PARVB: variants seen among roughly 807,000 people sequenced by gnomAD.
The protein encoded by PARVB is beta-parvin.
Under a neutral mutation model 47.0 loss-of-function variants are expected in PARVB, and 46 were observed. That is an observed-to-expected ratio of 0.98 (90% CI 0.77 to 1.25). PARVB has a LOEUF of 1.25. Among genes scored for constraint, PARVB ranks in the 50% most tolerant of loss-of-function variants. The pLI is 0.00. For synonymous variants in PARVB, 196 were observed against 196.3 expected (o/e 1.00, Z 0.01); for missense variants, 473 against 471.6 (o/e 1.00, Z -0.03).
At chr22:44,039,846 A>T (rs538879100) in intron 1 of PARVB, 1 of 455,532 alleles carries the variant, frequency 2.2e-6, no homozygotes, top group African/African-American at 2.0e-5. Context: ...ATGAGATCTC[A>T]CTCTGATGCC....
At chr22:44,086,901 C>G in intron 1 of PARVB, 3 of 893,830 alleles carry the variant, frequency 3.4e-6, no homozygotes, top group Non-Finnish European at 4.0e-6. Context: ...ACAGAGATGT[C>G]TTTGGGTTCC....
At chr22:44,029,391 C>T (rs965579708) in intron 1 of PARVB, among the ~76,000 whole-genome samples, 3 of 152,220 alleles carry the variant, frequency 2.0e-5, no homozygotes, top group Middle Eastern at 3.2e-3. Flanking sequence ...TTTCTCCCAG[C>T]CAGCGGCTTG....
intron 1 of PARVB, among the ~76,000 whole-genome samples, chr22:44,036,595 T>C (rs1229137789): frequency 1.3e-5 from 2 of 152,200 alleles, no homozygotes; most frequent in African/African-American, 4.8e-5. Flanking sequence ...TGGACTCATA[T>C]AATTCAAACC....
chr22:44,061,484 A>C (rs964179124), intron 1 of PARVB, among the ~76,000 whole-genome samples: 4 of 151,932 alleles, frequency 2.6e-5, no homozygotes, highest in African/African-American at 9.7e-5. Context: ...TGAAGTCACC[A>C]ACAAATAGCA....
intron 1 of PARVB, among the ~76,000 whole-genome samples, chr22:44,067,758 G>T (rs1447938226): frequency 2.6e-5 from 4 of 152,238 alleles, no homozygotes; most frequent in African/African-American, 9.7e-5. Context: ...GACCACATCA[G>T]TGCTGGGGAC....
intron 9 of PARVB, 68 bp downstream of exon 9, chr22:44,147,990 C>T: frequency 8.4e-7 from 1 of 1,184,918 alleles, no homozygotes; most frequent in Non-Finnish European, 1.3e-6. Flanking sequence ...CACAAACGCC[C>T]CGCTGGGAAG....
rs567494229 is a variant in PARVB at position 44,018,401 on chromosome 22, TCAAA to T, written c.211+18741_211+18744del. Among the ~76,000 whole-genome samples, 105 of 152,208 alleles carry T rather than the reference TCAAA, an allele frequency of 6.9e-4. 1 individual carries two copies. Among genetic ancestry groups the T allele is most frequent in the Admixed American group, 4.1e-3 (62 of 15,292 alleles). On this transcript the variant is annotated intron_variant, in intron 2 of 13. Transcript: ENST00000406477. ...TGGGCGACAAGAATGAAACTCCATC[TCAAA>T]CAAACAAACAAAAAACTAACCACAT... is the stretch of plus-strand genomic sequence containing the variant.
intron 1 of PARVB, among the ~76,000 whole-genome samples, chr22:44,058,083 A>G (rs1344752937): frequency 6.6e-6 from 1 of 152,176 alleles, no homozygotes; most frequent in Non-Finnish European, 1.5e-5. Context: ...CTTGAAAATA[A>G]TAAATTGAGA....
chr22:44,007,413 T>G (rs1240281649), intron 2 of PARVB, among the ~76,000 whole-genome samples: 1 of 152,174 alleles, frequency 6.6e-6, no homozygotes, highest in Non-Finnish European at 1.5e-5. Flanking sequence ...CAGTCGTGGG[T>G]CATGGCCAGA....
intron 11 of PARVB, 141 bp from the exon 12 acceptor site, chr22:44,163,717 C>A: frequency 1.6e-6 from 1 of 622,936 alleles, no homozygotes; most frequent in Non-Finnish European, 2.6e-6. Flanking sequence ...ACCCTGTGGC[C>A]CGCCCCGGGC....
chr22:44,119,368 G>C (rs950301973), intron 4 of PARVB, among the ~76,000 whole-genome samples: 1 of 152,214 alleles, frequency 6.6e-6, no homozygotes, highest in Non-Finnish European at 1.5e-5. Flanking sequence ...CAGCAGGTTG[G>C]GGACAGCTTC....
At chr22:44,021,825 G>A (rs975090373), upstream of PARVB, among the ~76,000 whole-genome samples, 286 of 142,978 alleles carry the variant, frequency 2.0e-3, 1 homozygote, top group African/African-American at 7.1e-3. Context: ...ACAGGGCCTA[G>A]TAGAGACGGA....
chr22:44,070,982 ACCCCCCGG>A (rs2051641866), intron 1 of PARVB, among the ~76,000 whole-genome samples: 1 of 151,138 alleles, frequency 6.6e-6, no homozygotes, highest in South Asian at 2.1e-4. Context: ...CCAGACCAGG[ACCCCCCGG>A]CCCCTGCCCG....
intron 1 of PARVB, among the ~76,000 whole-genome samples, chr22:44,037,990 C>T (rs1214179250): frequency 6.6e-6 from 1 of 152,248 alleles, no homozygotes; most frequent in African/African-American, 2.4e-5. Context: ...TCTCCCTTGG[C>T]CTGGCCATGG....
intron 7 of PARVB, among the ~76,000 whole-genome samples, chr22:44,137,608 C>G (rs2053464799): frequency 6.6e-6 from 1 of 152,160 alleles, no homozygotes; most frequent in Admixed American, 6.5e-5. Context: ...GGCGGTTGTT[C>G]AGCCAGTCTC....
intron 11 of PARVB, among the ~76,000 whole-genome samples, chr22:44,159,961 T>A (rs2054017008): frequency 6.6e-6 from 1 of 152,212 alleles, no homozygotes; most frequent in South Asian, 2.1e-4. Context: ...AAACCAGAGA[T>A]GCGTCATGAG....
intron 1 of PARVB, among the ~76,000 whole-genome samples, chr22:44,079,170 GGTGCTTGGTCCACCATAGATGGGT>G (rs1049315144): frequency 3.4e-4 from 52 of 152,192 alleles, no homozygotes; most frequent in Non-Finnish European, 7.3e-5. Flanking sequence ...GTGTGCTCCT[GGTGCTTGGTCCACCATAGATGGGT>G]GTGCTTGGTC....
At chr22:44,143,048 C>T (rs1200295612) in intron 8 of PARVB, 1 of 152,358 alleles carries the variant, frequency 6.6e-6, no homozygotes, top group African/African-American at 2.4e-5. Context: ...CTCCAGCAAC[C>T]TTCACCTGAA....
intron 1 of PARVB, among the ~76,000 whole-genome samples, chr22:44,039,683 T>C (rs1046434843): frequency 6.6e-6 from 1 of 152,166 alleles, no homozygotes; most frequent in African/African-American, 2.4e-5. Context: ...ACAGCAGTAA[T>C]TGACAGGACG....
Sources: allele counts gnomAD v4.1 joint callset (sites outside exome capture counted in the v4.1 genomes callset), GRCh38; gene constraint gnomAD v4.1.1; transcripts MANE v1.5; gene names NCBI Gene and HGNC (gene_info 2026-07-23, HGNC 2026-07-21).